The following CAMK1D variants were observed in gnomAD, a reference collection of about 807,000 sequenced individuals.
CAMK1D encodes calcium/calmodulin dependent protein kinase ID.
CAMK1D carries 9 observed loss-of-function variants against 47.7 expected under a neutral mutation model. The ratio of observed to expected loss-of-function variants is 0.19; its 90% CI spans 0.11 to 0.33. CAMK1D has a LOEUF of 0.33. Ranked by LOEUF, CAMK1D falls within the 10% of genes least tolerant of loss-of-function variation. The pLI is 1.00. For missense variants in CAMK1D, 291 were observed against 488.7 expected (o/e 0.60, Z 3.81); for synonymous variants, 184 against 184.9 (o/e 0.99, Z 0.04).
At chr10:12,437,188 C>T (rs1320153553) in intron 1 of CAMK1D, among the ~76,000 whole-genome samples, 1 of 152,012 alleles carries the variant, frequency 6.6e-6, no homozygotes, top group Non-Finnish European at 1.5e-5. Context: ...GTCTGTCTGT[C>T]TGTCTGTCTG....
chr10:12,682,711 A>T (rs1832491034), intron 3 of CAMK1D, among the ~76,000 whole-genome samples: 1 of 152,218 alleles, frequency 6.6e-6, no homozygotes, highest in African/African-American at 2.4e-5. Flanking sequence ...TTTATGAAAA[A>T]ATAAAAATAA....
chr10:12,398,044 T>C (rs1839025853), intron 1 of CAMK1D, among the ~76,000 whole-genome samples: 1 of 152,244 alleles, frequency 6.6e-6, no homozygotes, highest in Admixed American at 6.5e-5. Flanking sequence ...AGGCAAAGGA[T>C]GTTATTTCCA....
chr10:12,622,049 C>A (rs10795971), intron 2 of CAMK1D, among the ~76,000 whole-genome samples: 70,582 of 151,962 alleles, frequency 0.46, 18,577 homozygotes, highest in East Asian at 0.6. Context: ...GTCTCCACAG[C>A]CACTGCATGT....
intron 1 of CAMK1D, among the ~76,000 whole-genome samples, chr10:12,507,011 T>G (rs1175286890): frequency 6.6e-6 from 1 of 152,224 alleles, no homozygotes; most frequent in African/African-American, 2.4e-5. Flanking sequence ...AGTTTTCAAA[T>G]TAACTGCACC....
chr10:12,563,664 TGAGAGAGAGAGAGA>T (rs373932374), intron 2 of CAMK1D, among the ~76,000 whole-genome samples: 111 of 130,138 alleles, frequency 8.5e-4, no homozygotes, highest in Middle Eastern at 4.5e-3. Context: ...GCGGAAGGTT[TGAGAGAGAGAGAGA>T]GAGAGAGAGA....
In CAMK1D at chr10:12,828,785, G is replaced by A. The variant is rs750979419; in HGVS notation, c.1056G>A (p.Thr352=). 7.4e-6 allele frequency: 12 copies of A among 1,612,864 alleles called. No homozygotes were observed. The highest frequency in any genetic ancestry group is 2.2e-5 in the South Asian group (2 of 91,070). Residue 352 remains threonine (T), a synonymous_variant, in exon 11 of 11, where the codon ACG becomes ACA. Coordinates refer to ENST00000619168, the MANE Select transcript of CAMK1D (RefSeq NM_153498.4). ...ASQKDCLAPS[T]LCSFISSSSG... ...TCCCTGCAGGTCTGGCACCTTCCAC[G>A]CTCTGTAGTTTCATTTCTTCTTCGT...
At chr10:12,575,121 C>G (rs1272241159) in intron 2 of CAMK1D, among the ~76,000 whole-genome samples, 1 of 151,970 alleles carries the variant, frequency 6.6e-6, no homozygotes, top group East Asian at 1.9e-4. Flanking sequence ...GAGATGGAGT[C>G]TCACTCTGTT....
intron 3 of CAMK1D, among the ~76,000 whole-genome samples, chr10:12,742,692 G>A (rs542310319): frequency 6.6e-6 from 1 of 152,246 alleles, no homozygotes; most frequent in South Asian, 2.1e-4. Flanking sequence ...CGAGTGAGGT[G>A]CCATTGAACA....
intron 1 of CAMK1D, among the ~76,000 whole-genome samples, chr10:12,416,983 C>G (rs747088448): frequency 1.8e-4 from 27 of 152,142 alleles, no homozygotes; most frequent in Non-Finnish European, 3.5e-4. Flanking sequence ...ACTGGGGGCC[C>G]GGGGTCACAC....
At chr10:12,547,295 C>T (rs1391461511) in intron 1 of CAMK1D, among the ~76,000 whole-genome samples, 1 of 152,168 alleles carries the variant, frequency 6.6e-6, no homozygotes, top group African/African-American at 2.4e-5. Context: ...GCCCAGCCCA[C>T]AAGGGTCCAG....
intron 1 of CAMK1D, among the ~76,000 whole-genome samples, chr10:12,446,691 T>G (rs889951663): frequency 2.6e-5 from 4 of 152,336 alleles, no homozygotes; most frequent in African/African-American, 9.6e-5. Context: ...GTCTGGATAG[T>G]AGCCATGATA....
intron 2 of CAMK1D, among the ~76,000 whole-genome samples, chr10:12,601,030 A>G (rs1327187998): frequency 6.6e-6 from 1 of 152,156 alleles, no homozygotes. Context: ...CCAATCTTCT[A>G]ATGATGGATG....
chr10:12,607,344 A>G (rs1347009428), intron 2 of CAMK1D, among the ~76,000 whole-genome samples: 1 of 152,210 alleles, frequency 6.6e-6, no homozygotes, highest in Non-Finnish European at 1.5e-5. Context: ...TTGCTGTATG[A>G]GAACCTCCTA....
intron 1 of CAMK1D, among the ~76,000 whole-genome samples, chr10:12,470,689 G>A (rs1833719942): frequency 6.6e-6 from 1 of 152,044 alleles, no homozygotes; most frequent in African/African-American, 2.4e-5. Context: ...GCTAATTTTT[G>A]TGTTTTTGGT....
chr10:12,750,320 CACTT>C (rs140506980), intron 3 of CAMK1D, among the ~76,000 whole-genome samples: 4 of 152,340 alleles, frequency 2.6e-5, no homozygotes, highest in East Asian at 3.9e-4. Context: ...CTCACTCACT[CACTT>C]ACCCTTTAGC....
At chr10:12,507,588 G>T (rs950816218) in intron 1 of CAMK1D, among the ~76,000 whole-genome samples, 1 of 152,100 alleles carries the variant, frequency 6.6e-6, no homozygotes, top group Non-Finnish European at 1.5e-5. Flanking sequence ...GTGTGCCTCT[G>T]TGTAGGTTTT....
chr10:12,363,051 C>A (rs190106771), intron 1 of CAMK1D, among the ~76,000 whole-genome samples: 1 of 151,736 alleles, frequency 6.6e-6, no homozygotes, highest in East Asian at 1.9e-4. Context: ...AGCAATTCTC[C>A]TGTCTCAGCC....
At chr10:12,357,143 G>T (rs1206453308) in intron 1 of CAMK1D, among the ~76,000 whole-genome samples, 1 of 151,956 alleles carries the variant, frequency 6.6e-6, no homozygotes, top group Non-Finnish European at 1.5e-5. Flanking sequence ...TTGCCCACCG[G>T]GGATATGTTT....
At chr10:12,476,933 G>A (rs988188360) in intron 1 of CAMK1D, among the ~76,000 whole-genome samples, 3 of 152,094 alleles carry the variant, frequency 2.0e-5, no homozygotes, top group Non-Finnish European at 2.9e-5. Context: ...TGGCTGTTAC[G>A]GGAAAGACAA....
Sources: allele counts gnomAD v4.1 joint callset (sites outside exome capture counted in the v4.1 genomes callset), GRCh38; gene constraint gnomAD v4.1.1; transcripts MANE v1.5; gene names NCBI Gene and HGNC (gene_info 2026-07-23, HGNC 2026-07-21).